ABHD3: variants seen among roughly 807,000 people sequenced by gnomAD.
The protein encoded by ABHD3 is phospholipase ABHD3.
A neutral mutation model predicts 48.8 loss-of-function variants in ABHD3; 46 were observed. The ratio of observed to expected loss-of-function variants is 0.94; its 90% CI spans 0.74 to 1.20. The LOEUF (loss-of-function observed/expected upper bound fraction) is 1.20. Ranked by LOEUF, ABHD3 falls within the 50% of genes most tolerant of loss-of-function variation. The probability of loss-of-function intolerance (pLI) is 0.00; values close to 1 mark genes in which losing one functional copy is unlikely to be tolerated. For missense variants in ABHD3, 490 were observed against 497.8 expected, an observed-to-expected ratio of 0.98 and a Z score of 0.15; for synonymous variants, 192 against 183.7, an observed-to-expected ratio of 1.04 and a Z score of -0.36.
intron 3 of ABHD3, among the ~76,000 whole-genome samples, chr18:21,692,261 T>A (rs1180559795): frequency 6.6e-6 from 1 of 152,210 alleles, no homozygotes; most frequent in Non-Finnish European, 1.5e-5. Flanking sequence ...TACATTTCAA[T>A]CTTAACCCTG....
At chr18:21,684,767 G>A (rs2040093671) in intron 3 of ABHD3, among the ~76,000 whole-genome samples, 1 of 152,202 alleles carries the variant, frequency 6.6e-6, no homozygotes, top group Non-Finnish European at 1.5e-5. Context: ...TACATGAGGT[G>A]TAAACATCAC....
At chr18:21,688,607 C>T (rs1371570700) in intron 3 of ABHD3, among the ~76,000 whole-genome samples, 1 of 152,066 alleles carries the variant, frequency 6.6e-6, no homozygotes, top group Non-Finnish European at 1.5e-5. Flanking sequence ...AAGATTTGCA[C>T]CATATTTTCA....
At chr18:21,666,811 C>T (rs549674314) in intron 4 of ABHD3, among the ~76,000 whole-genome samples, 104 of 152,120 alleles carry the variant, frequency 6.8e-4, no homozygotes, top group South Asian at 1.2e-3. Context: ...AAAAGCATCA[C>T]GGATGCTTCA....
rs772523934 is a variant in ABHD3, at chr18:21,653,077, A to AAAAAC, written c.1058-1315_1058-1314insGTTTT. Among the ~76,000 whole-genome samples, 29 of 76,154 alleles carry AAAAAC rather than the reference A, an allele frequency of 3.8e-4. 2 individuals are homozygous for AAAAAC. Among genetic ancestry groups the AAAAAC allele is most frequent in the Non-Finnish European group, 5.4e-4 (24 of 44,160 alleles). 50.0% of individuals were successfully genotyped at this position (76,154 alleles called of 152,430 possible). A position where few individuals can be genotyped will look rare whatever the true frequency, so the allele number is the denominator to read the frequency against. On this transcript the variant is annotated intron_variant, in intron 8 of 8. Coordinates refer to ENST00000289119, the MANE Select transcript of ABHD3 (RefSeq NM_138340.5). ...CAAAAAAAAAAAAAAAAAAAAAAAA[A>AAAAAC]AAAGAGCTGGGTGTGGTGGCTCACG...
chr18:21,692,661 G>A (rs1327548157), intron 3 of ABHD3, among the ~76,000 whole-genome samples: 1 of 152,232 alleles, frequency 6.6e-6, no homozygotes, highest in Non-Finnish European at 1.5e-5. Context: ...GATACAACCA[G>A]CATGGCTAAT....
chr18:21,683,288 A>G (rs989691446), intron 4 of ABHD3, among the ~76,000 whole-genome samples: 1 of 152,334 alleles, frequency 6.6e-6, no homozygotes, highest in South Asian at 2.1e-4. Context: ...CTAAGAGGTG[A>G]AAGATCTATC....
chr18:21,659,389 C>A, intron 5 of ABHD3, 46 bp from the exon 6 acceptor site: 1 of 1,551,276 alleles, frequency 6.4e-7, no homozygotes, highest in South Asian at 1.2e-5. Flanking sequence ...TTTGTTGTAT[C>A]ACAGAAGACA....
At chr18:21,702,967 TTCATGA>T (rs2040545188) in intron 2 of ABHD3, among the ~76,000 whole-genome samples, 1 of 152,176 alleles carries the variant, frequency 6.6e-6, no homozygotes, top group Non-Finnish European at 1.5e-5. Context: ...TCACATAGTA[TTCATGA>T]ACTTACAGAA....
At chr18:21,693,573 A>AG in intron 3 of ABHD3, among the ~76,000 whole-genome samples, 1 of 152,304 alleles carries the variant, frequency 6.6e-6, no homozygotes, top group East Asian at 1.9e-4. Context: ...GGTTTAATTG[A>AG]GGTGCCATGT....
At chr18:21,687,830 G>C (rs2040162027) in intron 3 of ABHD3, among the ~76,000 whole-genome samples, 1 of 152,162 alleles carries the variant, frequency 6.6e-6, no homozygotes, top group Non-Finnish European at 1.5e-5. Flanking sequence ...TAGTACTATG[G>C]ACATTTCAGC....
Position 21,656,918 on chromosome 18 carries a change from C to T in ABHD3, c.1000G>A (p.Val334Ile), listed in dbSNP as rs776188758. Residue 334 changes from valine (V) to isoleucine (I), a missense_variant, in exon 8 of 9, where the codon GTA (valine) becomes ATA (isoleucine). Transcript: ENST00000289119. ...TTTAGACACAATACTGGAATTCCTA[C>T]TGACTTCAGTCTAGGACTCGGACTG... ...DASPSPRLKSVGIPVLCLNSV... is the reference protein window; with the variant it reads ...DASPSPRLKSIGIPVLCLNSV... 6.2e-7 allele frequency: 1 copy of T among 1,613,516 alleles called. No homozygotes were observed. The highest frequency in any genetic ancestry group is 1.3e-5 in the African/African-American group (1 of 74,904).
In ABHD3 at chr18:21,667,137, G is replaced by A. The variant is rs561763989; in HGVS notation, c.556-2907C>T. On this transcript the variant is annotated intron_variant, in intron 4 of 8. Transcript: ENST00000289119. Reference sequence around the variant, plus strand: ...CGCCCAGGCTGGAGTGCAGTGGTGCGATCTCGGCTGACTGCAAGCTCTGCC... The same window carrying A: ...CGCCCAGGCTGGAGTGCAGTGGTGCAATCTCGGCTGACTGCAAGCTCTGCC... Among the ~76,000 whole-genome samples, 3 of 149,878 alleles carry A rather than the reference G, an allele frequency of 2.0e-5. No homozygotes were observed. In the South Asian group the frequency reaches 6.3e-4, roughly 32 times the overall value.
In ABHD3 at chr18:21,662,624, G is replaced by A. The variant is rs185867443; in HGVS notation, c.668+1494C>T. On this transcript the variant is annotated intron_variant, in intron 5 of 8. Transcript: ENST00000289119. ...GATCGTCCATGGACTGTTTTTGCGT[G>A]TTGCATCTCCATAAGAAAAAATGTG... is the stretch of plus-strand genomic sequence containing the variant. Among the ~76,000 whole-genome samples, 6 of 152,222 alleles carry A rather than the reference G, an allele frequency of 3.9e-5. No homozygotes were observed. In the East Asian group the frequency reaches 9.7e-4, roughly 25 times the overall value.
chr18:21,657,392 TGTA>T (rs1321863430), intron 6 of ABHD3, among the ~76,000 whole-genome samples: 1 of 149,856 alleles, frequency 6.7e-6, no homozygotes, highest in East Asian at 2.0e-4. Flanking sequence ...CAGGCTGGAG[TGTA>T]GTGGCATGAT....
At chr18:21,688,552 A>C (rs2040177352) in intron 3 of ABHD3, among the ~76,000 whole-genome samples, 1 of 152,238 alleles carries the variant, frequency 6.6e-6, no homozygotes, top group Admixed American at 6.5e-5. Flanking sequence ...AAGTATCAAC[A>C]TAAGGTTCCT....
intron 5 of ABHD3, among the ~76,000 whole-genome samples, chr18:21,660,128 AT>A (rs1326040185): frequency 2.9e-5 from 4 of 137,860 alleles, no homozygotes; most frequent in Non-Finnish European, 6.1e-5. Context: ...AACACAGCTA[AT>A]TAAAAAAAAA....
chr18:21,665,048 G>C (rs1441516134), intron 4 of ABHD3, among the ~76,000 whole-genome samples: 1 of 151,854 alleles, frequency 6.6e-6, no homozygotes, highest in African/African-American at 2.4e-5. Flanking sequence ...AGGTTCAAAT[G>C]ATTTTCCTGC....
chr18:21,658,707 G>A (rs573201327), intron 6 of ABHD3, among the ~76,000 whole-genome samples: 3 of 152,082 alleles, frequency 2.0e-5, no homozygotes, highest in East Asian at 1.9e-4. Flanking sequence ...TTATTTATAT[G>A]CATTTACAAC....
At chr18:21,666,577 G>C (rs1039836968) in intron 4 of ABHD3, among the ~76,000 whole-genome samples, 1 of 152,130 alleles carries the variant, frequency 6.6e-6, no homozygotes, top group Non-Finnish European at 1.5e-5. Flanking sequence ...TGATCTACCC[G>C]CCCTGGTTTC....
Sources: gnomAD v4.1 joint callset for allele counts (sites outside exome capture counted in the v4.1 genomes callset) on GRCh38, gnomAD v4.1.1 for gene constraint, MANE v1.5 for transcripts, NCBI Gene and HGNC (gene_info 2026-07-23, HGNC 2026-07-21) for gene names.